The following E2F5 variants were observed in gnomAD, a reference collection of about 807,000 sequenced individuals.
The protein encoded by E2F5 is transcription factor E2F5.
In E2F5, 23 loss-of-function variants were observed where a neutral mutation model predicts 39.1. That is an observed-to-expected ratio of 0.59 (90% CI 0.42 to 0.83). E2F5 has a LOEUF of 0.83. Ranked by LOEUF, E2F5 falls within the 40% of genes least tolerant of loss-of-function variation. The pLI, the probability that E2F5 is intolerant of heterozygous loss-of-function variation, is 0.00. For synonymous variants in E2F5, 145 were observed against 157.8 expected (o/e 0.92, Z 0.61); for missense variants, 365 against 406.7 (o/e 0.90, Z 0.88).
In E2F5 at chr8:85,202,147, G is replaced by T; in HGVS notation, c.235G>T (p.Ala79Ser). 1 of 1,610,988 alleles carries T rather than the reference G, an allele frequency of 6.2e-7. No homozygotes were observed. The highest frequency in any genetic ancestry group is 8.5e-7 in the Non-Finnish European group (1 of 1,178,322). Residue 79 changes from alanine (A) to serine (S), a missense_variant and splice_region_variant, in exon 2 of 8, where the codon GCT becomes TCT. Ala to Ser is a moderately conservative substitution (Grantham distance 99). Coordinates refer to ENST00000416274, the MANE Select transcript of E2F5 (RefSeq NM_001951.4). Reference protein sequence around the residue: ...AKDGVLDLKAAADTLAVRQKR... With the variant: ...AKDGVLDLKASADTLAVRQKR... ...TGTTCTCGTTGTCTTTCCTGAACAG[G>T]CTGCTGATACTTTGGCTGTGAGGCA...
chr8:85,177,441 G>C lies in E2F5; in HGVS notation c.21G>C (p.Ala7=). MAAAEP[A]SSGQQAPAGQ... ...ACGCGATGGCGGCGGCAGAGCCCGC[G>C]AGCTCGGGCCAGCAGGCGCCGGCAG... The change falls in exon 1 of 8, where the codon GCG becomes GCC. Residue 7 remains alanine, a synonymous_variant. Coordinates refer to ENST00000416274, the MANE Select transcript of E2F5 (RefSeq NM_001951.4). 1 of 992,906 alleles carries C rather than the reference G, an allele frequency of 1.0e-6. No individual in the cohort carries two copies. The highest frequency in any genetic ancestry group is 1.8e-5 in the African/African-American group (1 of 57,076). 61.5% of individuals were successfully genotyped at this position (992,906 alleles called of 1,614,324 possible).
Position 85,194,112 on chromosome 8 carries a change from A to T in E2F5, c.235-8035A>T, listed in dbSNP as rs74960182. Among the ~76,000 whole-genome samples the T allele has an allele frequency of 7.1e-3, 1,087 of 152,142 alleles. 14 individuals are homozygous for T. Among genetic ancestry groups the T allele is most frequent in the African/African-American group, 0.022 (921 of 41,528 alleles). ...GTTTTATGTTTTCTATGTTTTAATT[A>T]TTGAGATAGTCTAATCTTTTTATTT... On this transcript the variant is annotated intron_variant, in intron 1 of 7. Coordinates refer to ENST00000416274, the MANE Select transcript of E2F5 (RefSeq NM_001951.4).
Position 85,177,213 on chromosome 8 carries a change from C to A in E2F5, c.-208C>A, listed in dbSNP as rs1016514315. Reference sequence around the variant, plus strand: ...TGGGCCTCATTCACGCTTCCCCGGGCTTGGGGAGGGGGCGGAGGCCCGGCG... The same window carrying A: ...TGGGCCTCATTCACGCTTCCCCGGGATTGGGGAGGGGGCGGAGGCCCGGCG... On this transcript the variant is annotated 5_prime_UTR_variant, in exon 1 of 8. Transcript: ENST00000416274. 6 of 230,602 alleles carry A rather than the reference C, an allele frequency of 2.6e-5. No homozygotes were observed. The highest frequency in any genetic ancestry group is 3.6e-5 in the Non-Finnish European group (5 of 139,750). 14.3% of individuals were successfully genotyped at this position (230,602 alleles called of 1,614,324 possible). A position where few individuals can be genotyped will look rare whatever the true frequency, so the allele number is the denominator to read the frequency against.
intron 5 of E2F5, among the ~76,000 whole-genome samples, chr8:85,208,568 TTACTA>T (rs1812846789): frequency 6.6e-6 from 1 of 152,266 alleles, no homozygotes; most frequent in African/African-American, 2.4e-5. Context: ...TAGAAAAAGA[TTACTA>T]TATTATCTAC....
intron 1 of E2F5, among the ~76,000 whole-genome samples, chr8:85,196,340 A>G (rs1393785571): frequency 6.6e-6 from 1 of 152,080 alleles, no homozygotes; most frequent in Non-Finnish European, 1.5e-5. Flanking sequence ...CATTTTGTCT[A>G]CTTTAGGTAC....
chr8:85,212,720 C>T (rs1045841324), intron 7 of E2F5: 1 of 152,176 alleles, frequency 6.6e-6, no homozygotes, highest in African/African-American at 2.4e-5. Flanking sequence ...TACTACCTAA[C>T]AAATAAAGTA....
intron 3 of E2F5, among the ~76,000 whole-genome samples, chr8:85,205,970 A>G (rs965609399): frequency 6.6e-6 from 1 of 152,140 alleles, no homozygotes; most frequent in Admixed American, 6.5e-5. Flanking sequence ...AAATGTCACA[A>G]AAATCAGAAT....
intron 4 of E2F5, 134 bp downstream of exon 4, chr8:85,206,354 G>T: frequency 1.2e-6 from 1 of 804,366 alleles, no homozygotes; most frequent in Non-Finnish European, 2.0e-6. Context: ...CCACCATGCC[G>T]TGTATTGATA....
At chr8:85,208,059 T>G (rs1242205029) in intron 5 of E2F5, among the ~76,000 whole-genome samples, 1 of 152,238 alleles carries the variant, frequency 6.6e-6, no homozygotes, top group African/African-American at 2.4e-5. Context: ...CTGGGTGCAG[T>G]GGCTCATGCC....
rs1479057675 is a variant in E2F5 at position 85,213,854 on chromosome 8, A to AATT, written c.1038_1040dup (p.Tyr346dup). ...TGATCTGTTTGATGTCCAGATACTA[A>AATT]ATTATTAGATTCCATGGAAACTTGG... On this transcript the variant is annotated inframe_insertion, in exon 8 of 8. Coordinates refer to ENST00000416274, the MANE Select transcript of E2F5 (RefSeq NM_001951.4). 6.3e-7 allele frequency: 1 copy of AATT among 1,590,462 alleles called. No homozygotes were observed. Among genetic ancestry groups the AATT allele is most frequent in the East Asian group, 2.2e-5 (1 of 44,656 alleles).
At chr8:85,203,846 AT>A (rs1473569088) in intron 3 of E2F5, among the ~76,000 whole-genome samples, 5 of 148,004 alleles carry the variant, frequency 3.4e-5, no homozygotes, top group African/African-American at 9.8e-5. Flanking sequence ...TATAAAATAT[AT>A]TTATATATAA....
At chr8:85,201,594 A>T (rs969392612) in intron 1 of E2F5, among the ~76,000 whole-genome samples, 1 of 152,204 alleles carries the variant, frequency 6.6e-6, no homozygotes. Context: ...TGCTGATTTT[A>T]TGCTTTGTGT....
chr8:85,202,122 T>C (rs766123581), intron 1 of E2F5, 25 bp from the exon 2 acceptor site: 1 of 1,583,736 alleles, frequency 6.3e-7, no homozygotes, highest in Admixed American at 1.7e-5. Flanking sequence ...TTTATTTCAC[T>C]GTTCTCGTTG....
chr8:85,199,853 G>T (rs1328206524), intron 1 of E2F5, among the ~76,000 whole-genome samples: 1 of 152,172 alleles, frequency 6.6e-6, no homozygotes, highest in Non-Finnish European at 1.5e-5. Context: ...TTATGAAAAA[G>T]GAAATGAGGC....
At chr8:85,211,709 T>C (rs2129765277) in intron 6 of E2F5, among the ~76,000 whole-genome samples, 1 of 136,730 alleles carries the variant, frequency 7.3e-6, no homozygotes, top group South Asian at 2.4e-4. Context: ...TGGAATGCAG[T>C]GGCGCGATCT....
At position 85,212,205 on chromosome 8, in the gene E2F5, G is replaced by C; in HGVS notation, c.931+1G>C. ...ATTGATGAGTTAATGTCTTCTGACGGTAAGTAGGTTAAAATTTTACTAACT... is the reference window on the plus strand; with the variant it reads ...ATTGATGAGTTAATGTCTTCTGACGCTAAGTAGGTTAAAATTTTACTAACT... On this transcript the variant is annotated splice_donor_variant, in intron 7 of 7. Transcript: ENST00000416274. LOFTEE classifies it high-confidence loss of function. 1 of 1,604,446 alleles carries C rather than the reference G, an allele frequency of 6.2e-7. No homozygotes were observed. The highest frequency in any genetic ancestry group is 8.5e-7 in the Non-Finnish European group (1 of 1,173,150).
intron 1 of E2F5, among the ~76,000 whole-genome samples, chr8:85,201,287 T>C (rs753184262): frequency 6.6e-6 from 1 of 152,226 alleles, no homozygotes; most frequent in Non-Finnish European, 1.5e-5. Context: ...TTAGATAATG[T>C]GCTGAAAATT....
intron 1 of E2F5, among the ~76,000 whole-genome samples, chr8:85,201,032 C>CA (rs1187558332): frequency 2.0e-5 from 3 of 152,050 alleles, no homozygotes; most frequent in African/African-American, 7.2e-5. Context: ...GTGGCACATA[C>CA]AAAAAAATGT....
intron 1 of E2F5, among the ~76,000 whole-genome samples, chr8:85,200,822 C>T (rs887823676): frequency 6.6e-6 from 1 of 152,194 alleles, no homozygotes; most frequent in East Asian, 1.9e-4. Flanking sequence ...ATCAATGAAA[C>T]AAACCATGGC....
Sources: gnomAD v4.1 joint callset for allele counts (sites outside exome capture counted in the v4.1 genomes callset) on GRCh38, gnomAD v4.1.1 for gene constraint, MANE v1.5 for transcripts, NCBI Gene and HGNC (gene_info 2026-07-23, HGNC 2026-07-21) for gene names.